The following INTS10 variants were observed in gnomAD, a reference collection of about 807,000 sequenced individuals.
INTS10 encodes the protein chromosome 8 open reading frame 35.
A neutral mutation model predicts 94.4 loss-of-function variants in INTS10; 44 were observed. That is an observed-to-expected ratio of 0.47 (90% CI 0.37 to 0.60). INTS10 has a LOEUF of 0.60. Ranked by LOEUF, INTS10 falls within the 20% of genes least tolerant of loss-of-function variation. The pLI, the probability that INTS10 is intolerant of heterozygous loss-of-function variation, is 0.00. For synonymous variants in INTS10, 341 were observed against 320.7 expected (o/e 1.06, Z -0.68); for missense variants, 797 against 868.7 (o/e 0.92, Z 1.04).
intron 7 of INTS10, 121 bp downstream of exon 7, chr8:19,824,165 C>T (rs765596820): frequency 6.8e-6 from 5 of 735,242 alleles, no homozygotes; most frequent in East Asian, 5.4e-5. Flanking sequence ...TTTTGTGACA[C>T]TCAATGCAAA....
intron 4 of INTS10, chr8:19,821,927 T>C (rs1167949944): frequency 6.5e-6 from 1 of 152,836 alleles, no homozygotes; most frequent in East Asian, 1.9e-4. Context: ...CCGTCTACTA[T>C]GCTAAGGCAT....
At chr8:19,820,791 T>C (rs1408349761) in intron 4 of INTS10, among the ~76,000 whole-genome samples, 1 of 152,220 alleles carries the variant, frequency 6.6e-6, no homozygotes, top group Non-Finnish European at 1.5e-5. Context: ...TCTTTTTCCG[T>C]TGTATTCTAC....
chr8:19,824,178 AG>A (rs2066613114), intron 7 of INTS10, 134 bp downstream of exon 7: 1 of 657,452 alleles, frequency 1.5e-6, no homozygotes, highest in Non-Finnish European at 2.6e-6. Flanking sequence ...AATGCAAAAG[AG>A]GATGGTTTTT....
intron 13 of INTS10, among the ~76,000 whole-genome samples, chr8:19,841,570 A>G (rs2068126179): frequency 6.6e-6 from 1 of 152,244 alleles, no homozygotes; most frequent in Admixed American, 6.5e-5. Flanking sequence ...AAGATTCTCA[A>G]CCTTTTGTCA....
chr8:19,845,170 T>C (rs775247369), intron 15 of INTS10, among the ~76,000 whole-genome samples: 5 of 152,200 alleles, frequency 3.3e-5, no homozygotes, highest in African/African-American at 4.8e-5. Flanking sequence ...CATCGACATA[T>C]TGCATAAAAT....
rs796428668 is a variant in INTS10, at chr8:19,846,441, A to C, written c.1976+644A>C. 9.5e-3 allele frequency among the ~76,000 whole-genome samples: 1,434 copies of C among 150,794 alleles called. 18 individuals carry two copies. The highest frequency in any genetic ancestry group is 0.051 in the South Asian group (246 of 4,816). On this transcript the variant is annotated intron_variant, in intron 16 of 16. Transcript: ENST00000397977. This position sits in a 1 kb window ranked among gnomAD's most constrained non-coding sequence, Gnocchi z 4.2. The stretch of plus-strand genomic sequence containing the variant: ...AGAGTGAAACTCCATCTCAAAAAAA[A>C]AAACAAACAAACAAAACAGCTGTGC...
Position 19,826,527 on chromosome 8 carries a change from A to G in INTS10, c.1108A>G (p.Arg370Gly). Residue 370 changes from arginine (R) to glycine (G), a missense_variant, in exon 9 of 17, where the codon AGG becomes GGG. Arg to Gly is a moderately radical substitution (Grantham distance 125). Transcript: ENST00000397977. ...TCGTAATAAACACATCCATAAAAAG[A>G]GGAAACTAGCTGAAGGAAGAGAAAA... ...IDRNKHIHKK[R>G]KLAEGREKTM... 4 of 1,612,968 alleles carry G rather than the reference A, an allele frequency of 2.5e-6. No homozygotes were observed. The highest frequency in any genetic ancestry group is 3.4e-6 in the Non-Finnish European group (4 of 1,179,670).
At chr8:19,822,864 C>G (rs538847417) in intron 5 of INTS10, among the ~76,000 whole-genome samples, 1 of 151,544 alleles carries the variant, frequency 6.6e-6, no homozygotes, top group Non-Finnish European at 1.5e-5. Flanking sequence ...GCAGGAGAGT[C>G]GCTTGAAACT....
Position 19,823,264 on chromosome 8 carries a change from C to T in INTS10, c.524-37C>T. The T allele has an allele frequency of 2.6e-6, 4 of 1,543,680 alleles. No individual in the cohort carries two copies. In the African/African-American group the frequency reaches 4.1e-5, roughly 16 times the overall value. ...TTTATCGGAACTCTAGGGTAGACAA[C>T]CTAATTAATTTATTTCTTCTTTTTC... is the stretch of plus-strand genomic sequence containing the variant. On this transcript the variant is annotated intron_variant, in intron 5 of 16. Transcript: ENST00000397977.
chr8:19,818,227 G>A (rs375758829), intron 1 of INTS10, 48 bp from the exon 2 acceptor site: 1 of 1,581,402 alleles, frequency 6.3e-7, no homozygotes, highest in Non-Finnish European at 8.7e-7. Flanking sequence ...TGAGCTGGGA[G>A]CCTTCTGGGC....
rs2066001304 is a variant in INTS10, at chr8:19,817,469, G to T, written c.-69G>T. Reference sequence around the variant, plus strand: ...GGCGGCGGCGGCGGCGGTGGCTGCCGTGGCGGCTGAGAGTCCAGAGCCGGA... The same window carrying T: ...GGCGGCGGCGGCGGCGGTGGCTGCCTTGGCGGCTGAGAGTCCAGAGCCGGA... On this transcript the variant is annotated 5_prime_UTR_variant, in exon 1 of 17. Transcript: ENST00000397977. 3.2e-6 allele frequency: 5 copies of T among 1,549,506 alleles called. No homozygotes were observed. Among genetic ancestry groups the T allele is most frequent in the African/African-American group, 1.4e-5 (1 of 73,254 alleles).
intron 11 of INTS10, among the ~76,000 whole-genome samples, 168 bp from the exon 12 acceptor site, chr8:19,833,001 G>C (rs564707669): frequency 2.0e-4 from 30 of 152,124 alleles, no homozygotes; most frequent in Non-Finnish European, 3.1e-4. Flanking sequence ...TAATTAAGTT[G>C]ATTTGATTCT....
chr8:19,837,411 C>A, intron 13 of INTS10: 1 of 351,056 alleles, frequency 2.8e-6, no homozygotes, highest in South Asian at 6.6e-5. Flanking sequence ...AATACTGCTG[C>A]AGGGCTTGCC....
intron 5 of INTS10, 77 bp downstream of exon 5, chr8:19,822,597 C>G: frequency 1.1e-6 from 1 of 886,300 alleles, no homozygotes; most frequent in Non-Finnish European, 1.8e-6. Flanking sequence ...GGGATAAGCT[C>G]ATATATGAAA....
chr8:19,818,287 A>G lies in INTS10; in HGVS notation c.142A>G (p.Thr48Ala). Residue 48 changes from threonine to alanine, a missense_variant, in exon 2 of 17, where the codon ACC becomes GCC. Physicochemically the swap from Thr to Ala is moderately conservative, Grantham distance 58 (BLOSUM62 0). Coordinates refer to ENST00000397977, the MANE Select transcript of INTS10 (RefSeq NM_018142.4). ...ADFNIQYEMY[T>A]IERNAERTAT... ...ATGTGTGTTGCAGTATGAGATGTAC[A>G]CCATCGAGCGGAATGCAGAGCGGAC... 6.2e-7 allele frequency: 1 copy of G among 1,614,088 alleles called. No individual in the cohort carries two copies. Among genetic ancestry groups the G allele is most frequent in the Non-Finnish European group, 8.5e-7 (1 of 1,180,012 alleles).
rs148976437 is a variant in INTS10, at chr8:19,846,579, G to A, written c.1976+782G>A. Among the ~76,000 whole-genome samples the A allele has an allele frequency of 1.6e-3, 245 of 152,230 alleles. 1 individual carries two copies. Among genetic ancestry groups the A allele is most frequent in the Non-Finnish European group, 3.1e-3 (213 of 68,012 alleles). ...CAGTCCTCATGACTTACATAACAAC[G>A]AAGTATTAATAGCCAGGTATAGTGC... On this transcript the variant is annotated intron_variant, in intron 16 of 16. Transcript: ENST00000397977. This position sits in a 1 kb window ranked among gnomAD's most constrained non-coding sequence, Gnocchi z 4.2.
In INTS10 at chr8:19,825,183, G is replaced by A. The variant is rs146206981; in HGVS notation, c.1006+211G>A. On this transcript the variant is annotated intron_variant, in intron 8 of 16. Transcript: ENST00000397977. ...TCATTAAAAGTTTCTATATCAAAGGGCGTAATGGTACTGCACAACTAAAAA... is the reference window on the plus strand; with the variant it reads ...TCATTAAAAGTTTCTATATCAAAGGACGTAATGGTACTGCACAACTAAAAA... Among the ~76,000 whole-genome samples the A allele has an allele frequency of 6.2e-3, 950 of 152,316 alleles. 14 individuals are homozygous for A. The highest frequency in any genetic ancestry group is 0.022 in the African/African-American group (914 of 41,568).
At chr8:19,845,536 T>C (rs2068502950) in intron 15 of INTS10, 168 bp from the exon 16 acceptor site, 1 of 607,726 alleles carries the variant, frequency 1.6e-6, no homozygotes, top group Non-Finnish European at 3.0e-6. Context: ...GGGGTAGCAA[T>C]GGGCAAGTTA....
At chr8:19,847,867 T>C (rs150845702) in intron 16 of INTS10, among the ~76,000 whole-genome samples, 2 of 152,310 alleles carry the variant, frequency 1.3e-5, no homozygotes, top group Admixed American at 6.5e-5. Flanking sequence ...CATGCACTTC[T>C]AACTAGTGAG....
Sources: allele counts gnomAD v4.1 joint callset (sites outside exome capture counted in the v4.1 genomes callset), GRCh38; gene constraint gnomAD v4.1.1; non-coding constraint Gnocchi (gnomAD v3.1); transcripts MANE v1.5; gene names NCBI Gene and HGNC (gene_info 2026-07-23, HGNC 2026-07-21).